ATP2A2: variants seen among roughly 807,000 people sequenced by gnomAD.
The protein encoded by ATP2A2 is ATPase sarcoplasmic/endoplasmic reticulum Ca2+ transporting 2, also known as sarcoplasmic/endoplasmic reticulum calcium ATPase 2.
ATP2A2 carries 14 observed loss-of-function variants against 109.3 expected under a neutral mutation model. The observed-to-expected ratio is 0.13, with a 90% CI of 0.08 to 0.20. ATP2A2 has a LOEUF of 0.20. Ranked by LOEUF, ATP2A2 falls within the 10% of genes least tolerant of loss-of-function variation. The pLI, the probability that ATP2A2 is intolerant of heterozygous loss-of-function variation, is 1.00. For missense variants in ATP2A2, 657 were observed against 1,321.6 expected (o/e 0.50, Z 7.80); for synonymous variants, 506 against 490.9 (o/e 1.03, Z -0.41).
intron 3 of ATP2A2, among the ~76,000 whole-genome samples, chr12:110,286,885 A>G (rs964441721): frequency 1.3e-5 from 2 of 152,112 alleles, no homozygotes; most frequent in Non-Finnish European, 2.9e-5. Flanking sequence ...CAGTGTATAG[A>G]TATCTGAGTC....
chr12:110,328,952 C>G (rs1366399066), intron 8 of ATP2A2, among the ~76,000 whole-genome samples: 1 of 152,192 alleles, frequency 6.6e-6, no homozygotes, highest in Non-Finnish European at 1.5e-5. Context: ...ACCTCCCTAC[C>G]TGAAGTCCTA....
intron 5 of ATP2A2, among the ~76,000 whole-genome samples, chr12:110,306,319 G>A (rs1037238872): frequency 3.3e-5 from 5 of 152,232 alleles, no homozygotes; most frequent in Admixed American, 6.5e-5. Context: ...GATTACAGGC[G>A]TGAGCCACCG....
chr12:110,292,513 C>A (rs1873426386), intron 4 of ATP2A2, among the ~76,000 whole-genome samples: 1 of 152,202 alleles, frequency 6.6e-6, no homozygotes, highest in African/African-American at 2.4e-5. Flanking sequence ...AAGTGATCCG[C>A]CCTCCTCAGC....
rs575727080 is a variant in ATP2A2, at chr12:110,324,641, C to T, written c.544+1569C>T. 4.0e-5 allele frequency among the ~76,000 whole-genome samples: 6 copies of T among 151,886 alleles called. No homozygotes were observed. In the East Asian group the frequency reaches 7.8e-4, roughly 20 times the overall value. On this transcript the variant is annotated intron_variant, in intron 6 of 19. Transcript: ENST00000539276. ...TTCACTGTGTTGGTCAGGCTGGTCT[C>T]GAACTCCTGATCTCATGATCCGCCT...
Position 110,347,478 on chromosome 12 carries a change from C to T in ATP2A2, c.*1008C>T. On this transcript the variant is annotated 3_prime_UTR_variant, in exon 20 of 20. Transcript: ENST00000539276. Reference sequence around the variant, plus strand: ...TGTAGGTAGTCATAGGAATTGTATTCTTAATGTACAGGCACTAATTGTCAT... The same window carrying T: ...TGTAGGTAGTCATAGGAATTGTATTTTTAATGTACAGGCACTAATTGTCAT... The T allele has an allele frequency of 7.8e-7, 1 of 1,289,016 alleles. No homozygotes were observed. Among genetic ancestry groups the T allele is most frequent in the Non-Finnish European group, 1.0e-6 (1 of 988,690 alleles). The allele number at this position is 1,289,016 out of a possible 1,614,324, so 79.8% of individuals were successfully genotyped here.
rs144583206 is a variant in ATP2A2 at position 110,345,399 on chromosome 12, G to A, written c.2741+17G>A. ...CCTCAACAGGTTAGTGCACCTTCAC[G>A]GCAGGCTGAGGCGAGCATGGTGACT... is the stretch of plus-strand genomic sequence containing the variant. On this transcript the variant is annotated intron_variant, in intron 18 of 19. Transcript: ENST00000539276. 9.7e-5 allele frequency: 157 copies of A among 1,614,148 alleles called. No homozygotes were observed. The African/African-American group carries it at 1.5e-3, about 16-fold the overall frequency.
At chr12:110,292,915 C>T (rs1181195824) in intron 4 of ATP2A2, among the ~76,000 whole-genome samples, 1 of 152,156 alleles carries the variant, frequency 6.6e-6, no homozygotes, top group Non-Finnish European at 1.5e-5. Flanking sequence ...ACTTTAAAAG[C>T]TACATGTCAT....
chr12:110,306,889 G>A (rs572132160), intron 5 of ATP2A2, among the ~76,000 whole-genome samples: 1 of 152,042 alleles, frequency 6.6e-6, no homozygotes, highest in South Asian at 2.1e-4. Context: ...CAGCCTCCTT[G>A]TAGCTGGAAC....
Position 110,282,756 on chromosome 12 carries a change from G to C in ATP2A2, c.180G>C (p.Leu60Phe). The change falls in exon 3 of 20, where the codon TTG (leucine) becomes TTC (phenylalanine). Residue 60 changes from leucine to phenylalanine, a missense_variant. Physicochemically the swap from Leu to Phe is conservative, Grantham distance 22 (BLOSUM62 0). Coordinates refer to ENST00000539276, the MANE Select transcript of ATP2A2 (RefSeq NM_170665.4). ...LELVIEQFEDLLVRILLLAAC... is the reference protein window; with the variant it reads ...LELVIEQFEDFLVRILLLAAC... ...TTGTGATTGAGCAGTTTGAAGACTT[G>C]CTAGTTAGGATTTTATTACTGGCAG... 1 of 1,614,038 alleles carries C rather than the reference G, an allele frequency of 6.2e-7. No homozygotes were observed. The highest frequency in any genetic ancestry group is 8.5e-7 in the Non-Finnish European group (1 of 1,179,992).
At position 110,334,644 on chromosome 12, in the gene ATP2A2, A is replaced by G. The variant is rs1458960486; in HGVS notation, c.1419+501A>G. Among the ~76,000 whole-genome samples, 3 of 130,590 alleles carry G rather than the reference A, an allele frequency of 2.3e-5. No individual in the cohort carries two copies. The East Asian group carries it at 6.8e-4, about 30-fold the overall frequency. 85.7% of individuals were successfully genotyped at this position (130,590 alleles called of 152,430 possible). On this transcript the variant is annotated intron_variant, in intron 11 of 19. Transcript: ENST00000539276. ...CTCTCTGTCACCAGATTGGAGTGCC[A>G]TGGCGCGATCTTGGCTCACTGCAAC... is the stretch of plus-strand genomic sequence containing the variant.
intron 3 of ATP2A2, among the ~76,000 whole-genome samples, chr12:110,286,603 T>A (rs919891800): frequency 1.3e-5 from 2 of 152,252 alleles, no homozygotes; most frequent in Middle Eastern, 3.4e-3. Flanking sequence ...TTCCGTTTTA[T>A]TAATGACTGA....
chr12:110,348,012 C>T lies in ATP2A2; in HGVS notation c.*1542C>T. ...GGCTTTCATAGACCTCCACAGGCTGCCTAGGACAAGATGACCAGGAGGGCC... is the reference window on the plus strand; with the variant it reads ...GGCTTTCATAGACCTCCACAGGCTGTCTAGGACAAGATGACCAGGAGGGCC... On this transcript the variant is annotated 3_prime_UTR_variant, in exon 20 of 20. Transcript: ENST00000539276. The T allele has an allele frequency of 1.0e-6, 1 of 987,722 alleles. No homozygotes were observed. Among genetic ancestry groups the T allele is most frequent in the Non-Finnish European group, 1.2e-6 (1 of 831,518 alleles). The allele number at this position is 987,722 out of a possible 1,614,324, so 61.2% of individuals were successfully genotyped here. A position where few individuals can be genotyped will look rare whatever the true frequency, so the allele number is the denominator to read the frequency against.
At chr12:110,289,241 A>G (rs976108261) in intron 3 of ATP2A2, among the ~76,000 whole-genome samples, 4 of 152,204 alleles carry the variant, frequency 2.6e-5, no homozygotes, top group Admixed American at 6.5e-5. Context: ...CCTTTTGGAA[A>G]GGTCATAGTT....
At chr12:110,302,665 T>A (rs117391689) in intron 5 of ATP2A2, among the ~76,000 whole-genome samples, 1 of 152,024 alleles carries the variant, frequency 6.6e-6, no homozygotes, top group South Asian at 2.1e-4. Context: ...AGTAGCGTGA[T>A]CTCGGTTCAC....
intron 5 of ATP2A2, among the ~76,000 whole-genome samples, chr12:110,297,532 A>G (rs115228249): frequency 2.8e-4 from 43 of 152,114 alleles, no homozygotes; most frequent in African/African-American, 1.0e-3. Flanking sequence ...CAAAGAGTCC[A>G]TGAATCCACT....
At position 110,349,947 on chromosome 12, in the gene ATP2A2, C is replaced by A; in HGVS notation, c.*3477C>A. 1 of 1,206,450 alleles carries A rather than the reference C, an allele frequency of 8.3e-7. No individual in the cohort carries two copies. The highest frequency in any genetic ancestry group is 1.0e-6 in the Non-Finnish European group (1 of 961,116). 74.7% of individuals were successfully genotyped at this position (1,206,450 alleles called of 1,614,324 possible). On this transcript the variant is annotated 3_prime_UTR_variant, in exon 20 of 20. Coordinates refer to ENST00000539276, the MANE Select transcript of ATP2A2 (RefSeq NM_170665.4). ...ACTGGCTGCTCACTTCTCCATCAAC[C>A]TCACCCTCTGCACCACTAACCAAGA...
At chr12:110,345,505 A>C (rs1363267878) in intron 18 of ATP2A2, 123 bp downstream of exon 18, 1 of 1,419,696 alleles carries the variant, frequency 7.0e-7, no homozygotes, top group African/African-American at 1.4e-5. Flanking sequence ...AAGAAAGGAG[A>C]ACAGGCAATA....
intron 3 of ATP2A2, among the ~76,000 whole-genome samples, chr12:110,286,574 T>C (rs1303864578): frequency 6.6e-6 from 1 of 152,046 alleles, no homozygotes; most frequent in Non-Finnish European, 1.5e-5. Flanking sequence ...AGGGAACGAG[T>C]TCTAATTCAT....
In ATP2A2 at chr12:110,289,702, A is replaced by G. The variant is rs867544373; in HGVS notation, c.220-2318A>G. ...AAGTAGATCTTTTAAAGAAGATTTTATTATGAAATATGCAAACATTTTAAG... is the reference window on the plus strand; with the variant it reads ...AAGTAGATCTTTTAAAGAAGATTTTGTTATGAAATATGCAAACATTTTAAG... On this transcript the variant is annotated intron_variant, in intron 3 of 19. Transcript: ENST00000539276. 3.3e-5 allele frequency among the ~76,000 whole-genome samples: 5 copies of G among 152,306 alleles called. No homozygotes were observed. The Middle Eastern group carries it at 0.01, about 311-fold the overall frequency.
Sources: gnomAD v4.1 joint callset for allele counts (sites outside exome capture counted in the v4.1 genomes callset) on GRCh38, gnomAD v4.1.1 for gene constraint, MANE v1.5 for transcripts, NCBI Gene and HGNC (gene_info 2026-07-23, HGNC 2026-07-21) for gene names.